Variants in SKAP2 observed in about 807,000 individuals in gnomAD.
The protein encoded by SKAP2 is src kinase-associated phosphoprotein 2.
In SKAP2, 28 loss-of-function variants were observed where a neutral mutation model predicts 54.9. The observed-to-expected ratio is 0.51, with a 90% CI of 0.38 to 0.70. The LOEUF is 0.70. SKAP2 is among the 30% of genes least tolerant of loss of function. SKAP2 has a pLI of 0.00. For synonymous variants in SKAP2, 137 were observed against 134.3 expected (o/e 1.02, Z -0.14); for missense variants, 356 against 424.1 (o/e 0.84, Z 1.41).
At chr7:26,657,095 C>A in the SKAP2 span, among the ~76,000 whole-genome samples, 3 of 152,134 alleles carry the variant, frequency 2.0e-5, no homozygotes, top group Admixed American at 6.6e-5. Flanking sequence ...TAAAGAAATA[C>A]CTGGTAACTA....
intron 11 of SKAP2, among the ~76,000 whole-genome samples, chr7:26,671,229 C>G (rs1415876592): frequency 6.6e-6 from 1 of 152,064 alleles, no homozygotes; most frequent in Non-Finnish European, 1.5e-5. Flanking sequence ...AAGCAATACT[C>G]TTCACAAGCA....
At chr7:26,711,872 C>T (rs1584345266) in intron 9 of SKAP2, among the ~76,000 whole-genome samples, 1 of 152,078 alleles carries the variant, frequency 6.6e-6, no homozygotes, top group African/African-American at 2.4e-5. Flanking sequence ...CACTTAGGAG[C>T]TTTTGTAATG....
intron 9 of SKAP2, among the ~76,000 whole-genome samples, chr7:26,713,524 A>G (rs1272570609): frequency 6.6e-6 from 1 of 152,220 alleles, no homozygotes; most frequent in African/African-American, 2.4e-5. Flanking sequence ...CTGGAAAATA[A>G]TTTGAAACAA....
At chr7:26,781,783 C>T (rs1347891243) in intron 4 of SKAP2, among the ~76,000 whole-genome samples, 2 of 152,174 alleles carry the variant, frequency 1.3e-5, no homozygotes, top group East Asian at 3.9e-4. Flanking sequence ...ACCTCCACCA[C>T]TTTTCTAGAC....
intron 4 of SKAP2, among the ~76,000 whole-genome samples, chr7:26,838,295 T>C (rs1784754319): frequency 6.6e-6 from 1 of 152,016 alleles, no homozygotes; most frequent in Non-Finnish European, 1.5e-5. Flanking sequence ...CAAGACCCCC[T>C]CCACTCCTTC....
intron 4 of SKAP2, among the ~76,000 whole-genome samples, chr7:26,834,285 T>G (rs1405489405): frequency 6.6e-6 from 1 of 151,978 alleles, no homozygotes; most frequent in Non-Finnish European, 1.5e-5. Flanking sequence ...CTAAAAGAAC[T>G]AGAGAAGCAA....
intron 4 of SKAP2, among the ~76,000 whole-genome samples, chr7:26,758,335 A>G (rs1369865855): frequency 8.5e-5 from 13 of 152,224 alleles, no homozygotes; most frequent in Non-Finnish European, 1.9e-4. Flanking sequence ...GTCGATTTAT[A>G]TTATTAAAAT....
downstream of SKAP2, among the ~76,000 whole-genome samples, chr7:26,664,136 A>C (rs1786065934): frequency 1.3e-5 from 2 of 152,204 alleles, no homozygotes. Context: ...GCAGCAGAAC[A>C]GTGTTCAATT....
chr7:26,678,318 A>C (rs1786401709), intron 11 of SKAP2, among the ~76,000 whole-genome samples: 1 of 152,190 alleles, frequency 6.6e-6, no homozygotes, highest in Admixed American at 6.5e-5. Context: ...GGGACGCACT[A>C]TAAGGCAATC....
intron 4 of SKAP2, among the ~76,000 whole-genome samples, chr7:26,749,905 T>C (rs1782644843): frequency 6.6e-6 from 1 of 150,638 alleles, no homozygotes; most frequent in Non-Finnish European, 1.5e-5. Flanking sequence ...TGATTACAAA[T>C]AACAGCACTG....
intron 4 of SKAP2, among the ~76,000 whole-genome samples, chr7:26,745,877 A>G (rs1782550204): frequency 6.6e-6 from 1 of 152,220 alleles, no homozygotes; most frequent in South Asian, 2.1e-4. Flanking sequence ...TTTGAAACAT[A>G]TATTAGGCTT....
chr7:26,746,675 T>C (rs2127964517), intron 4 of SKAP2: 1 of 151,578 alleles, frequency 6.6e-6, no homozygotes, highest in Non-Finnish European at 1.5e-5. Flanking sequence ...ACTCAATTTC[T>C]TCTTTTAAAA....
chr7:26,747,420 C>T (rs1276388754), intron 4 of SKAP2, among the ~76,000 whole-genome samples: 1 of 152,110 alleles, frequency 6.6e-6, no homozygotes, highest in Non-Finnish European at 1.5e-5. Context: ...GGGGAAAAAG[C>T]AGAGGTTACA....
chr7:26,739,682 A>G (rs997252321), intron 5 of SKAP2, among the ~76,000 whole-genome samples: 2 of 152,226 alleles, frequency 1.3e-5, no homozygotes, highest in African/African-American at 4.8e-5. Flanking sequence ...TGACAACTAA[A>G]AACCTAACCT....
At chr7:26,743,909 A>G (rs374588024) in intron 4 of SKAP2, among the ~76,000 whole-genome samples, 9 of 152,186 alleles carry the variant, frequency 5.9e-5, no homozygotes, top group African/African-American at 2.2e-4. Context: ...AGTTAGGTTG[A>G]TATTTTATTC....
chr7:26,792,179 G>T (rs908488734), intron 4 of SKAP2, among the ~76,000 whole-genome samples: 1 of 152,188 alleles, frequency 6.6e-6, no homozygotes, highest in East Asian at 1.9e-4. Flanking sequence ...GGTTGCCAGG[G>T]GCTGGGTGTG....
At chr7:26,794,666 T>C (rs1318554356) in intron 4 of SKAP2, among the ~76,000 whole-genome samples, 1 of 152,018 alleles carries the variant, frequency 6.6e-6, no homozygotes, top group Non-Finnish European at 1.5e-5. Flanking sequence ...ATATCTTGTC[T>C]AGCCCACCAC....
chr7:26,852,603 A>G (rs772404294), intron 3 of SKAP2, among the ~76,000 whole-genome samples: 20 of 152,202 alleles, frequency 1.3e-4, no homozygotes, highest in Non-Finnish European at 2.8e-4. Flanking sequence ...ATCAAATACC[A>G]TATAAATTTC....
intron 4 of SKAP2, among the ~76,000 whole-genome samples, chr7:26,828,060 C>G (rs1784527298): frequency 6.6e-6 from 1 of 152,118 alleles, no homozygotes; most frequent in African/African-American, 2.4e-5. Context: ...ACAACAGTAA[C>G]CATTTTTCTA....
Sources: allele counts gnomAD v4.1 joint callset (sites outside exome capture counted in the v4.1 genomes callset), GRCh38; gene constraint gnomAD v4.1.1; transcripts MANE v1.5; gene names NCBI Gene and HGNC (gene_info 2026-07-23, HGNC 2026-07-21).